Variants in CDH2 observed in about 807,000 individuals in gnomAD.
The protein encoded by CDH2 is cadherin-2.
CDH2 carries 17 observed loss-of-function variants against 92.0 expected under a neutral mutation model. The ratio of observed to expected loss-of-function variants is 0.18; its 90% CI spans 0.13 to 0.28. The LOEUF is 0.28. Ranked by LOEUF, CDH2 falls within the 10% of genes least tolerant of loss-of-function variation. CDH2 has a pLI of 1.00. For missense variants in CDH2, 862 were observed against 1,133.1 expected, an observed-to-expected ratio of 0.76 and a Z score of 3.44; for synonymous variants, 419 against 415.9, an observed-to-expected ratio of 1.01 and a Z score of -0.09.
At chr18:28,114,768 G>T (rs567716120) in intron 2 of CDH2, among the ~76,000 whole-genome samples, 44 of 151,800 alleles carry the variant, frequency 2.9e-4, no homozygotes, top group Admixed American at 1.1e-3. Context: ...TTCACATCCA[G>T]AATCTGTTAT....
At chr18:27,996,210 T>C (rs1054693692) in intron 7 of CDH2, among the ~76,000 whole-genome samples, 1 of 152,196 alleles carries the variant, frequency 6.6e-6, no homozygotes, top group African/African-American at 2.4e-5. Context: ...TATCTTCAAA[T>C]GCCCTGTCAT....
chr18:27,990,461 C>T, intron 9 of CDH2, 111 bp from the exon 10 acceptor site: 2 of 967,330 alleles, frequency 2.1e-6, no homozygotes, highest in African/African-American at 1.6e-5. Flanking sequence ...TCATTCACTA[C>T]ATAACAAGGT....
chr18:28,037,044 T>C (rs1415265895), intron 2 of CDH2, among the ~76,000 whole-genome samples: 1 of 152,134 alleles, frequency 6.6e-6, no homozygotes, highest in Non-Finnish European at 1.5e-5. Flanking sequence ...GTCAATAATA[T>C]ATATGCTTTG....
chr18:28,120,142 C>T (rs1406568905), intron 2 of CDH2, among the ~76,000 whole-genome samples: 2 of 151,942 alleles, frequency 1.3e-5, no homozygotes, highest in Non-Finnish European at 2.9e-5. Flanking sequence ...ACCAAGTGAA[C>T]AAAAACCACT....
At chr18:28,080,878 T>C (rs1364715976) in intron 2 of CDH2, among the ~76,000 whole-genome samples, 3 of 152,210 alleles carry the variant, frequency 2.0e-5, no homozygotes, top group African/African-American at 4.8e-5. Context: ...TCCTGTGATA[T>C]ACAGATTTCC....
intron 2 of CDH2, among the ~76,000 whole-genome samples, chr18:28,018,731 T>C (rs1014432370): frequency 6.6e-6 from 1 of 151,948 alleles, no homozygotes; most frequent in Non-Finnish European, 1.5e-5. Context: ...GAATGGAAAC[T>C]AGTATAATGA....
In CDH2 at chr18:27,951,842, G is replaced by A. The variant is rs17493056; in HGVS notation, c.*311C>T. On this transcript the variant is annotated 3_prime_UTR_variant, in exon 16 of 16. Transcript: ENST00000269141. ...CAAAATATTTTGTCTTTTACTTATCGTTTCAGAAATCAGTACCATTAAAGC... is the reference window on the plus strand; with the variant it reads ...CAAAATATTTTGTCTTTTACTTATCATTTCAGAAATCAGTACCATTAAAGC... 36 of 260,800 alleles carry A rather than the reference G, an allele frequency of 1.4e-4. 1 individual carries two copies. The Middle Eastern group carries it at 3.9e-3, about 28-fold the overall frequency. 16.2% of individuals were successfully genotyped at this position (260,800 alleles called of 1,614,324 possible). A position where few individuals can be genotyped will look rare whatever the true frequency, so the allele number is the denominator to read the frequency against.
At chr18:27,944,155 TA>T (rs1238871158) in intron 6 of CDH2, among the ~76,000 whole-genome samples, 1 of 152,114 alleles carries the variant, frequency 6.6e-6, no homozygotes. Flanking sequence ...CCATATATAA[TA>T]AAAAACTATT....
At chr18:28,073,163 T>G (rs2014653329) in intron 2 of CDH2, among the ~76,000 whole-genome samples, 1 of 152,196 alleles carries the variant, frequency 6.6e-6, no homozygotes, top group African/African-American at 2.4e-5. Context: ...AGTTCTCTAG[T>G]GTAAACAAAT....
At chr18:28,001,079 C>A (rs1439371729) in intron 7 of CDH2, among the ~76,000 whole-genome samples, 1 of 152,038 alleles carries the variant, frequency 6.6e-6, no homozygotes, top group African/African-American at 2.4e-5. Flanking sequence ...AATAATTTCA[C>A]TGTCAAGAAG....
intron 2 of CDH2, among the ~76,000 whole-genome samples, chr18:28,043,466 ATATATATATATATATATATATATAT>A (rs2013994440): frequency 9.6e-5 from 8 of 83,024 alleles, no homozygotes; most frequent in African/African-American, 4.0e-4. Flanking sequence ...AAATAAATAT[ATATATATATATATATATATATATAT>A]ATAAATATAT....
intron 2 of CDH2, among the ~76,000 whole-genome samples, chr18:28,146,873 ATTC>A (rs1401043008): frequency 6.6e-6 from 1 of 152,166 alleles, no homozygotes; most frequent in African/African-American, 2.4e-5. Flanking sequence ...TTACTAATCA[ATTC>A]TTCTTGCTTT....
At chr18:28,014,997 G>C (rs553419865) in intron 2 of CDH2, among the ~76,000 whole-genome samples, 59 of 152,128 alleles carry the variant, frequency 3.9e-4, no homozygotes, top group African/African-American at 1.3e-3. Flanking sequence ...GTTATGTTCT[G>C]GCTATAATTA....
intron 2 of CDH2, among the ~76,000 whole-genome samples, chr18:28,063,322 G>A (rs2014440957): frequency 6.6e-6 from 1 of 152,164 alleles, no homozygotes; most frequent in African/African-American, 2.4e-5. Context: ...AAAACAAAGT[G>A]GGTAGAGGAG....
intron 2 of CDH2, among the ~76,000 whole-genome samples, chr18:28,142,562 T>A (rs901313699): frequency 6.7e-6 from 1 of 149,164 alleles, no homozygotes; most frequent in African/African-American, 2.6e-5. Context: ...AATTATTTTT[T>A]AAAAACAAAC....
chr18:28,114,024 AG>A (rs1231427365), intron 2 of CDH2, among the ~76,000 whole-genome samples: 2 of 152,116 alleles, frequency 1.3e-5, no homozygotes, highest in Admixed American at 1.3e-4. Flanking sequence ...TCCTCCAACA[AG>A]TAAGATGTTA....
At chr18:28,014,124 T>C (rs2013177509) in intron 2 of CDH2, among the ~76,000 whole-genome samples, 1 of 152,150 alleles carries the variant, frequency 6.6e-6, no homozygotes, top group Non-Finnish European at 1.5e-5. Context: ...CATTTCCTTC[T>C]TCCAAAGCTT....
At chr18:28,170,874 T>C (rs1288392765) in intron 1 of CDH2, among the ~76,000 whole-genome samples, 1 of 151,806 alleles carries the variant, frequency 6.6e-6, no homozygotes, top group Non-Finnish European at 1.5e-5. Context: ...AATATCTTCG[T>C]ATATGTATCT....
chr18:28,111,866 GA>G (rs1010098497), intron 2 of CDH2, among the ~76,000 whole-genome samples: 1 of 151,818 alleles, frequency 6.6e-6, no homozygotes, highest in South Asian at 2.1e-4. Context: ...TAAATAACAA[GA>G]AAAAAATGTA....
Sources: allele counts gnomAD v4.1 joint callset (sites outside exome capture counted in the v4.1 genomes callset), GRCh38; gene constraint gnomAD v4.1.1; transcripts MANE v1.5; gene names NCBI Gene and HGNC (gene_info 2026-07-23, HGNC 2026-07-21).